TRIM24: variants seen among roughly 807,000 people sequenced by gnomAD.
TRIM24 encodes tripartite motif containing 24.
In TRIM24, 29 loss-of-function variants were observed where a neutral mutation model predicts 123.9. The observed-to-expected ratio is 0.23, with a 90% CI of 0.17 to 0.32. TRIM24 has a LOEUF of 0.32. Among genes scored for constraint, TRIM24 ranks in the 10% least tolerant of loss-of-function variants. TRIM24 has a pLI of 1.00. For synonymous variants in TRIM24, 456 were observed against 461.1 expected (o/e 0.99, Z 0.14); for missense variants, 932 against 1,295.3 (o/e 0.72, Z 4.31).
At chr7:138,522,595 CAA>C (rs563879295) in intron 4 of TRIM24, among the ~76,000 whole-genome samples, 92 of 151,940 alleles carry the variant, frequency 6.1e-4, no homozygotes, top group Middle Eastern at 6.8e-3. Context: ...ATTATTGAGA[CAA>C]ATGATATAAT....
intron 1 of TRIM24, among the ~76,000 whole-genome samples, chr7:138,468,465 TG>T (rs67471482): frequency 0.02 from 3,111 of 152,176 alleles, 84 homozygotes; most frequent in African/African-American, 0.069. Context: ...TTAATGCCAT[TG>T]TTTTTTTAAT....
intron 14 of TRIM24, among the ~76,000 whole-genome samples, chr7:138,578,275 A>C (rs1186563539): frequency 2.0e-5 from 3 of 150,052 alleles, no homozygotes; most frequent in South Asian, 2.1e-4. Flanking sequence ...ACAATATTTA[A>C]ATAATAATAA....
chr7:138,563,506 T>C (rs1244606310), intron 9 of TRIM24, among the ~76,000 whole-genome samples: 2 of 152,200 alleles, frequency 1.3e-5, no homozygotes, highest in Non-Finnish European at 2.9e-5. Flanking sequence ...TATTGGCCTT[T>C]TTCCTAAGCC....
chr7:138,577,431 C>A lies in TRIM24; in HGVS notation c.2099C>A (p.Ser700Tyr). The change falls in exon 14 of 19, where the codon TCC becomes TAC. Residue 700 changes from serine to tyrosine, a missense_variant. By Grantham distance (144) the Ser-to-Tyr change is moderately radical. Transcript: ENST00000343526. The part of the protein sequence containing the change: ...SVGSRGSSGS[S>Y]SKPAGADSTH... ...TCTCATACTTACAGCTCTGGCTCTT[C>A]CAGCAAACCAGCAGGAGCTGACTCT... is the stretch of plus-strand genomic sequence containing the variant. 1 of 1,572,542 alleles carries A rather than the reference C, an allele frequency of 6.4e-7. No homozygotes were observed. The highest frequency in any genetic ancestry group is 1.2e-5 in the South Asian group (1 of 84,502).
Position 138,584,782 on chromosome 7 carries a change from A to G in TRIM24, c.2984A>G (p.Asn995Ser). The change falls in exon 19 of 19, where the codon AAT (asparagine) becomes AGT (serine). Residue 995 changes from asparagine (N) to serine (S), a missense_variant. Transcript: ENST00000343526. ...GCCAATGCTGGTATAAAACTTGAAAATTATTTTGAAGAACTTCTAAAGAAC... is the reference window on the plus strand; with the variant it reads ...GCCAATGCTGGTATAAAACTTGAAAGTTATTTTGAAGAACTTCTAAAGAAC... ...EVANAGIKLE[N>S]YFEELLKNLY... The G allele has an allele frequency of 1.2e-6, 2 of 1,612,206 alleles. No individual in the cohort carries two copies. The highest frequency in any genetic ancestry group is 1.7e-6 in the Non-Finnish European group (2 of 1,179,510).
chr7:138,532,043 C>G (rs1036090537), intron 6 of TRIM24, among the ~76,000 whole-genome samples: 4 of 152,088 alleles, frequency 2.6e-5, no homozygotes, highest in Non-Finnish European at 5.9e-5. Context: ...ATATCCTTTG[C>G]CCACTTTTTG....
intron 6 of TRIM24, among the ~76,000 whole-genome samples, chr7:138,535,428 C>T (rs1479544087): frequency 6.6e-6 from 1 of 152,180 alleles, no homozygotes; most frequent in East Asian, 1.9e-4. Flanking sequence ...CAAAATCTCT[C>T]AGCCTTTGCT....
At chr7:138,577,665 GTT>G in intron 14 of TRIM24, 77 bp downstream of exon 14, 1 of 1,175,710 alleles carries the variant, frequency 8.5e-7, no homozygotes, top group Non-Finnish European at 1.1e-6. Context: ...GCTCTTAGGA[GTT>G]TTTTTTTAAT....
intron 16 of TRIM24, 92 bp downstream of exon 16, chr7:138,580,786 A>G (rs1271385145): frequency 2.5e-6 from 3 of 1,179,876 alleles, no homozygotes; most frequent in Non-Finnish European, 2.3e-6. Flanking sequence ...TCCAGATTTT[A>G]TACTGATCCT....
At chr7:138,574,952 A>G (rs1439247937) in intron 12 of TRIM24, among the ~76,000 whole-genome samples, 1 of 152,178 alleles carries the variant, frequency 6.6e-6, no homozygotes, top group Non-Finnish European at 1.5e-5. Context: ...ATTACTATTA[A>G]GGCATTATTT....
intron 1 of TRIM24, among the ~76,000 whole-genome samples, chr7:138,493,866 C>T (rs1368028958): frequency 1.2e-4 from 19 of 152,152 alleles, no homozygotes; most frequent in Admixed American, 1.2e-3. Flanking sequence ...CTTATCACAG[C>T]TGTCTAAAAT....
At chr7:138,517,136 G>A (rs1322807263) in intron 3 of TRIM24, among the ~76,000 whole-genome samples, 1 of 151,282 alleles carries the variant, frequency 6.6e-6, no homozygotes, top group Non-Finnish European at 1.5e-5. Context: ...AGCGTTGCTG[G>A]AGTTAATTCC....
intron 6 of TRIM24, among the ~76,000 whole-genome samples, chr7:138,535,903 C>T (rs910586728): frequency 6.6e-6 from 1 of 152,098 alleles, no homozygotes; most frequent in Non-Finnish European, 1.5e-5. Flanking sequence ...TTCTTGGTGG[C>T]TTTGTTCGTT....
At position 138,583,990 on chromosome 7, in the gene TRIM24, A is replaced by C. The variant is rs770618392; in HGVS notation, c.2934A>C (p.Glu978Asp). The C allele has an allele frequency of 1.2e-5, 19 of 1,607,704 alleles. No homozygotes were observed. The Admixed American group carries it at 3.1e-4, about 26-fold the overall frequency. The change falls in exon 18 of 19, where the codon GAA becomes GAC. Residue 978 changes from glutamate (E) to aspartate (D), a missense_variant. Coordinates refer to ENST00000343526, the MANE Select transcript of TRIM24 (RefSeq NM_015905.3). Reference sequence around the variant, plus strand: ...GATTGATCTTTCAAAACTGTGCTGAATTCAATGAGGTGAGGCTAGGGGAGG... The same window carrying C: ...GATTGATCTTTCAAAACTGTGCTGACTTCAATGAGGTGAGGCTAGGGGAGG... ...DFRLIFQNCA[E>D]FNEPDSEVAN...
intron 3 of TRIM24, among the ~76,000 whole-genome samples, chr7:138,517,454 G>A (rs763484077): frequency 8.6e-5 from 13 of 151,862 alleles, no homozygotes; most frequent in Admixed American, 5.3e-4. Flanking sequence ...CACTGCAAGC[G>A]CCACCTCCTG....
intron 1 of TRIM24, among the ~76,000 whole-genome samples, chr7:138,464,076 G>GCTCTGC (rs1233894431): frequency 7.1e-6 from 1 of 140,612 alleles, no homozygotes; most frequent in Non-Finnish European, 1.5e-5. Flanking sequence ...CTCACTGCTA[G>GCTCTGC]CTCTGCCTCC....
chr7:138,473,211 C>T (rs375208003), intron 1 of TRIM24, among the ~76,000 whole-genome samples: 16 of 152,070 alleles, frequency 1.1e-4, no homozygotes, highest in Admixed American at 4.6e-4. Context: ...ACCCAGGAGG[C>T]GGAGGCTGCA....
At chr7:138,499,089 T>A (rs76103213) in intron 1 of TRIM24, among the ~76,000 whole-genome samples, 503 of 152,326 alleles carry the variant, frequency 3.3e-3, no homozygotes, top group Middle Eastern at 3.4e-3. Context: ...TCTTTTTTTT[T>A]AATTTTTTTT....
At chr7:138,494,630 A>G (rs185084396) in intron 1 of TRIM24, among the ~76,000 whole-genome samples, 23 of 152,264 alleles carry the variant, frequency 1.5e-4, no homozygotes, top group Non-Finnish European at 2.2e-4. Context: ...CCTTACAATA[A>G]GGAGTGTGTC....
Sources: gnomAD v4.1 joint callset for allele counts (sites outside exome capture counted in the v4.1 genomes callset) on GRCh38, gnomAD v4.1.1 for gene constraint, MANE v1.5 for transcripts, NCBI Gene and HGNC (gene_info 2026-07-23, HGNC 2026-07-21) for gene names.